Variants in TNNI3K observed in about 807,000 individuals in gnomAD.
TNNI3K encodes the protein TNNI3 interacting kinase, also known as serine/threonine-protein kinase TNNI3K.
TNNI3K carries 140 observed loss-of-function variants against 114.5 expected under a neutral mutation model. The ratio of observed to expected loss-of-function variants is 1.22; its 90% CI spans 1.07 to 1.41. The LOEUF is 1.41. Among genes scored for constraint, TNNI3K ranks in the 40% most tolerant of loss-of-function variants. The probability of loss-of-function intolerance (pLI) is 0.00; values close to 1 mark genes in which losing one functional copy is unlikely to be tolerated. For missense variants in TNNI3K, 1,125 were observed against 1,007.6 expected (o/e 1.12, Z -1.58); for synonymous variants, 347 against 347.5 (o/e 1.00, Z 0.02).
chr1:74,458,018 A>G (rs1017210897), intron 20 of TNNI3K, among the ~76,000 whole-genome samples: 4 of 152,146 alleles, frequency 2.6e-5, no homozygotes, highest in South Asian at 2.1e-4. Context: ...TGTTTTTTAT[A>G]TCTAGCTCTC....
intron 22 of TNNI3K, 41 bp downstream of exon 22, chr1:74,489,289 CTGCATATCCAA>C: frequency 6.3e-7 from 1 of 1,587,616 alleles, no homozygotes; most frequent in Non-Finnish European, 8.6e-7. Context: ...TAAAAAAGCC[CTGCATATCCAA>C]GGCTGTCAGG....
chr1:74,437,763 T>A (rs1048196945), intron 19 of TNNI3K, among the ~76,000 whole-genome samples: 1 of 151,908 alleles, frequency 6.6e-6, no homozygotes, highest in Non-Finnish European at 1.5e-5. Flanking sequence ...TTAGTGGTCC[T>A]CAAGCCTAGC....
chr1:74,247,963 C>T (rs549555899), intron 2 of TNNI3K, among the ~76,000 whole-genome samples: 13 of 149,124 alleles, frequency 8.7e-5, no homozygotes, highest in African/African-American at 2.7e-4. Flanking sequence ...TGGTGCCCGT[C>T]GGGGTGGCTC....
At chr1:74,348,910 G>C (rs55974904) in intron 9 of TNNI3K, among the ~76,000 whole-genome samples, 11,903 of 152,166 alleles carry the variant, frequency 0.078, 1,581 homozygotes, top group African/African-American at 0.27. Flanking sequence ...AGACTATGGC[G>C]TTTTCTAGAT....
At chr1:74,358,923 A>AAT (rs1661804422) in intron 11 of TNNI3K, among the ~76,000 whole-genome samples, 1 of 152,026 alleles carries the variant, frequency 6.6e-6, no homozygotes, top group Non-Finnish European at 1.5e-5. Flanking sequence ...AGTATCTTTT[A>AAT]CAGATGCATA....
At chr1:74,513,281 T>G (rs555736374) in intron 23 of TNNI3K, among the ~76,000 whole-genome samples, 1 of 152,340 alleles carries the variant, frequency 6.6e-6, no homozygotes, top group East Asian at 1.9e-4. Flanking sequence ...ATGTGGAAAT[T>G]TACTGAGTCC....
chr1:74,274,598 A>C (rs923246720), intron 5 of TNNI3K, among the ~76,000 whole-genome samples: 2 of 152,116 alleles, frequency 1.3e-5, no homozygotes, highest in Admixed American at 6.6e-5. Context: ...AATATGCAGA[A>C]AAAATATATA....
intron 19 of TNNI3K, among the ~76,000 whole-genome samples, chr1:74,438,295 C>T (rs1570619754): frequency 6.6e-6 from 1 of 151,776 alleles, no homozygotes; most frequent in Admixed American, 6.6e-5. Flanking sequence ...TGTGGAAGCT[C>T]ATGCAGAAGA....
At chr1:74,521,898 T>A (rs1353727979) in intron 23 of TNNI3K, among the ~76,000 whole-genome samples, 4 of 152,186 alleles carry the variant, frequency 2.6e-5, no homozygotes, top group African/African-American at 9.7e-5. Flanking sequence ...ATTTCTGCTA[T>A]GAATCATAAC....
At chr1:74,402,695 GTGGT>G (rs1288587036) in intron 17 of TNNI3K, among the ~76,000 whole-genome samples, 1 of 152,168 alleles carries the variant, frequency 6.6e-6, no homozygotes, top group East Asian at 1.9e-4. Flanking sequence ...AACAGTTCTT[GTGGT>G]TGTAGGACTG....
intron 17 of TNNI3K, chr1:74,416,445 G>A: frequency 1.0e-6 from 1 of 959,760 alleles, no homozygotes; most frequent in African/African-American, 1.8e-5. Context: ...AGTTTGGGGT[G>A]CCTAGAAGTT....
At chr1:74,262,184 A>G (rs571538245) in intron 4 of TNNI3K, among the ~76,000 whole-genome samples, 44 of 152,240 alleles carry the variant, frequency 2.9e-4, no homozygotes, top group Middle Eastern at 3.4e-3. Context: ...CCAAGGTTCA[A>G]CAGCCTTGGC....
At chr1:74,235,852 T>A (rs1030681029) in intron 1 of TNNI3K, among the ~76,000 whole-genome samples, 4 of 151,552 alleles carry the variant, frequency 2.6e-5, no homozygotes, top group African/African-American at 7.3e-5. Flanking sequence ...TAAAATCAAA[T>A]GAAATAAGTC....
intron 17 of TNNI3K, among the ~76,000 whole-genome samples, chr1:74,430,462 A>G (rs1253400800): frequency 1.3e-5 from 2 of 152,072 alleles, no homozygotes; most frequent in African/African-American, 4.8e-5. Flanking sequence ...ACACACACAC[A>G]TATGCACACA....
chr1:74,379,865 G>A (rs903110894), intron 17 of TNNI3K, among the ~76,000 whole-genome samples: 1 of 152,032 alleles, frequency 6.6e-6, no homozygotes, highest in African/African-American at 2.4e-5. Flanking sequence ...AATAGCTAAA[G>A]TTTCCTCCCA....
At chr1:74,376,913 A>T (rs1662935390) in intron 17 of TNNI3K, 2 of 151,972 alleles carry the variant, frequency 1.3e-5, no homozygotes. Flanking sequence ...TTTAAACAAG[A>T]CTACCAATTA....
intron 17 of TNNI3K, among the ~76,000 whole-genome samples, chr1:74,407,811 A>G (rs1208546279): frequency 6.6e-6 from 1 of 152,168 alleles, no homozygotes; most frequent in East Asian, 1.9e-4. Flanking sequence ...ATCTTCTACA[A>G]AGTGATGTAA....
chr1:74,521,786 G>C (rs1025526394), intron 23 of TNNI3K, among the ~76,000 whole-genome samples: 5 of 152,186 alleles, frequency 3.3e-5, no homozygotes, highest in African/African-American at 1.2e-4. Flanking sequence ...ATAAATGGGT[G>C]AGTGAATGTT....
chr1:74,396,903 G>A (rs899664407), intron 17 of TNNI3K, among the ~76,000 whole-genome samples: 5 of 152,182 alleles, frequency 3.3e-5, no homozygotes, highest in Non-Finnish European at 5.9e-5. Context: ...GTGACTAAAA[G>A]CTAGCCTGAT....
Sources: allele counts gnomAD v4.1 joint callset (sites outside exome capture counted in the v4.1 genomes callset), GRCh38; gene constraint gnomAD v4.1.1; transcripts MANE v1.5; gene names NCBI Gene and HGNC (gene_info 2026-07-23, HGNC 2026-07-21).